Variants in SLC4A10 observed in about 807,000 individuals in gnomAD.
SLC4A10 encodes solute carrier family 4 member 10.
Under a neutral mutation model 137.7 loss-of-function variants are expected in SLC4A10, and 42 were observed. The ratio of observed to expected loss-of-function variants is 0.30; its 90% confidence interval spans 0.24 to 0.39. The LOEUF (loss-of-function observed/expected upper bound fraction) is 0.39, where lower values mean the gene tolerates loss of function less well. Ranked by LOEUF, SLC4A10 falls within the 10% of genes least tolerant of loss-of-function variation. The pLI, the probability that SLC4A10 is intolerant of heterozygous loss-of-function variation, is 1.00. For missense variants in SLC4A10, 925 were observed against 1,355.0 expected (o/e 0.68, Z 4.98); for synonymous variants, 474 against 464.1 (o/e 1.02, Z -0.27).
At chr2:161,833,481 A>G (rs1448976014) in intron 3 of SLC4A10, among the ~76,000 whole-genome samples, 1 of 152,234 alleles carries the variant, frequency 6.6e-6, no homozygotes, top group East Asian at 1.9e-4. Flanking sequence ...AAAGGTCATC[A>G]AAGAAATTTA....
intron 1 of SLC4A10, among the ~76,000 whole-genome samples, chr2:161,715,924 G>A (rs1198046569): frequency 6.6e-6 from 1 of 152,112 alleles, no homozygotes; most frequent in Non-Finnish European, 1.5e-5. Flanking sequence ...TTTCTACAAT[G>A]TTTGAACTAA....
intron 1 of SLC4A10, among the ~76,000 whole-genome samples, chr2:161,631,369 A>C (rs543103146): frequency 2.4e-4 from 36 of 151,930 alleles, no homozygotes; most frequent in African/African-American, 7.9e-4. Context: ...GAGAAGGCCG[A>C]GTATCCAAAA....
chr2:161,642,679 T>A (rs2035474747), intron 1 of SLC4A10, among the ~76,000 whole-genome samples: 1 of 152,018 alleles, frequency 6.6e-6, no homozygotes, highest in African/African-American at 2.4e-5. Context: ...TCCCGTCTTT[T>A]AAGAAATGCA....
intron 1 of SLC4A10, among the ~76,000 whole-genome samples, chr2:161,768,208 A>T (rs950219503): frequency 1.3e-5 from 2 of 151,998 alleles, no homozygotes; most frequent in South Asian, 4.1e-4. Flanking sequence ...TAGCCACCAG[A>T]TGTGTTCAGA....
intron 15 of SLC4A10, among the ~76,000 whole-genome samples, chr2:161,933,348 TTCTTTC>T (rs1690949275): frequency 6.6e-6 from 1 of 151,118 alleles, no homozygotes; most frequent in East Asian, 1.9e-4. Flanking sequence ...TTCTATTCTT[TTCTTTC>T]TCTTTCTCTC....
chr2:161,665,934 C>T (rs2038987543), intron 1 of SLC4A10, among the ~76,000 whole-genome samples: 1 of 147,708 alleles, frequency 6.8e-6, no homozygotes, highest in African/African-American at 2.5e-5. Flanking sequence ...ATATAGACTA[C>T]ATTATATATA....
At chr2:161,931,008 T>C (rs1690280513) in intron 15 of SLC4A10, among the ~76,000 whole-genome samples, 1 of 152,152 alleles carries the variant, frequency 6.6e-6, no homozygotes, top group Non-Finnish European at 1.5e-5. Context: ...CTTGGCTCAC[T>C]GCAACCTCTG....
intron 2 of SLC4A10, among the ~76,000 whole-genome samples, chr2:161,782,905 G>A (rs2053209496): frequency 6.7e-6 from 1 of 150,134 alleles, no homozygotes; most frequent in African/African-American, 2.5e-5. Flanking sequence ...AGAAGGAGAA[G>A]AGAGAAGGAA....
chr2:161,803,387 A>C (rs2055575336), intron 2 of SLC4A10, among the ~76,000 whole-genome samples: 1 of 151,620 alleles, frequency 6.6e-6, no homozygotes, highest in Non-Finnish European at 1.5e-5. Flanking sequence ...CAAAGTCCAT[A>C]GTTTACATTA....
intron 3 of SLC4A10, among the ~76,000 whole-genome samples, chr2:161,825,416 T>C (rs1303251566): frequency 5.9e-5 from 9 of 152,276 alleles, no homozygotes; most frequent in Non-Finnish European, 1.3e-4. Context: ...AGCAAGAATT[T>C]GAGTTTATTC....
intron 1 of SLC4A10, among the ~76,000 whole-genome samples, chr2:161,753,830 C>T (rs2049267499): frequency 1.3e-5 from 2 of 151,760 alleles, no homozygotes; most frequent in African/African-American, 4.8e-5. Flanking sequence ...ATTTTAACAG[C>T]TCACTTTACT....
chr2:161,948,213 T>C (rs1286131410), intron 17 of SLC4A10, among the ~76,000 whole-genome samples: 2 of 152,074 alleles, frequency 1.3e-5, no homozygotes, highest in African/African-American at 2.4e-5. Flanking sequence ...AACAGCTTAG[T>C]TCAATATTTA....
chr2:161,907,939 T>C (rs2105365038), intron 15 of SLC4A10, among the ~76,000 whole-genome samples: 1 of 152,132 alleles, frequency 6.6e-6, no homozygotes, highest in East Asian at 1.9e-4. Flanking sequence ...TTTCAAGTGG[T>C]AGGAAGGCAC....
chr2:161,874,887 G>A (rs1300047790), intron 8 of SLC4A10, among the ~76,000 whole-genome samples: 1 of 152,166 alleles, frequency 6.6e-6, no homozygotes. Flanking sequence ...TATAGAGGGA[G>A]GTGCTGGAAC....
intron 3 of SLC4A10, among the ~76,000 whole-genome samples, chr2:161,813,266 C>T (rs73021511): frequency 6.6e-6 from 1 of 151,942 alleles, no homozygotes; most frequent in Non-Finnish European, 1.5e-5. Context: ...ATCTACCTAG[C>T]TATATCTTAA....
chr2:161,710,313 C>T (rs1399628095), intron 1 of SLC4A10, among the ~76,000 whole-genome samples: 2 of 151,768 alleles, frequency 1.3e-5, no homozygotes, highest in Admixed American at 1.3e-4. Flanking sequence ...CATTCTGTTT[C>T]TTGGCATTGC....
chr2:161,983,096 C>T (rs377270253), intron 26 of SLC4A10, 83 bp from the exon 27 acceptor site: 100 of 1,283,944 alleles, frequency 7.8e-5, no homozygotes, highest in South Asian at 9.3e-5. Flanking sequence ...TTGGGGTTGA[C>T]GGGTTTTATG....
intron 12 of SLC4A10, chr2:161,902,268 T>C (rs1026114461): frequency 1.3e-5 from 3 of 226,044 alleles, no homozygotes; most frequent in African/African-American, 4.7e-5. Context: ...TAATAAGTAA[T>C]TGATTAGAAT....
chr2:161,928,509 A>T (rs1302519713), intron 15 of SLC4A10, among the ~76,000 whole-genome samples: 1 of 151,570 alleles, frequency 6.6e-6, no homozygotes, highest in Non-Finnish European at 1.5e-5. Context: ...GTACCCTAAA[A>T]CTTAAAGTAT....
Sources: gnomAD v4.1 joint callset for allele counts (sites outside exome capture counted in the v4.1 genomes callset) on GRCh38, gnomAD v4.1.1 for gene constraint, MANE v1.5 for transcripts, NCBI Gene and HGNC (gene_info 2026-07-23, HGNC 2026-07-21) for gene names.